Variants in PTPRJ observed in about 807,000 individuals in gnomAD.
PTPRJ encodes receptor-type tyrosine-protein phosphatase eta.
PTPRJ carries 129 observed loss-of-function variants against 141.3 expected under a neutral mutation model. The ratio of observed to expected loss-of-function variants is 0.91; its 90% CI spans 0.79 to 1.06. PTPRJ has a LOEUF of 1.06. PTPRJ is among the 50% of genes least tolerant of loss of function. The probability of loss-of-function intolerance (pLI) is 0.00; values close to 1 mark genes in which losing one functional copy is unlikely to be tolerated. For synonymous variants in PTPRJ, 610 were observed against 640.5 expected (o/e 0.95, Z 0.72); for missense variants, 1,601 against 1,679.7 (o/e 0.95, Z 0.82).
intron 1 of PTPRJ, among the ~76,000 whole-genome samples, chr11:48,022,441 G>C (rs1853675716): frequency 6.6e-6 from 1 of 151,410 alleles, no homozygotes; most frequent in East Asian, 1.9e-4. Flanking sequence ...TCCAGCCTGA[G>C]TAACACGAGC....
intron 1 of PTPRJ, among the ~76,000 whole-genome samples, chr11:48,092,500 G>A (rs1855898069): frequency 6.6e-6 from 1 of 151,546 alleles, no homozygotes; most frequent in South Asian, 2.1e-4. Flanking sequence ...CGAGATCTTG[G>A]CTCACTGCAA....
intron 1 of PTPRJ, among the ~76,000 whole-genome samples, chr11:48,088,333 G>C (rs1355517420): frequency 6.6e-6 from 1 of 152,182 alleles, no homozygotes; most frequent in Non-Finnish European, 1.5e-5. Context: ...CATCCTGGCA[G>C]ATATCAAGAC....
At chr11:48,021,416 T>TAAATA (rs747260239) in intron 1 of PTPRJ, among the ~76,000 whole-genome samples, 9 of 104,362 alleles carry the variant, frequency 8.6e-5, no homozygotes, top group South Asian at 2.7e-4. Flanking sequence ...AATAAATAAA[T>TAAATA]AAATAAAATA....
intron 1 of PTPRJ, among the ~76,000 whole-genome samples, chr11:48,053,246 A>T (rs1157619434): frequency 1.2e-5 from 1 of 84,978 alleles, no homozygotes; most frequent in African/African-American, 5.7e-5. Context: ...TAATATATTT[A>T]TATAATATAT....
intron 1 of PTPRJ, among the ~76,000 whole-genome samples, chr11:48,049,859 C>CTG (rs1340855263): frequency 3.3e-5 from 5 of 152,168 alleles, no homozygotes; most frequent in African/African-American, 9.7e-5. Context: ...TTAAATTACA[C>CTG]TGCAGGCCTT....
chr11:48,088,089 TC>T (rs1351005033), intron 1 of PTPRJ, among the ~76,000 whole-genome samples: 1 of 152,166 alleles, frequency 6.6e-6, no homozygotes, highest in African/African-American at 2.4e-5. Flanking sequence ...CTGTCTCCAG[TC>T]CCAGCACAGG....
At chr11:47,989,180 G>T (rs549366990) in intron 1 of PTPRJ, among the ~76,000 whole-genome samples, 3 of 151,788 alleles carry the variant, frequency 2.0e-5, no homozygotes, top group South Asian at 2.1e-4. Flanking sequence ...ACCGCGCCTG[G>T]CCGTATCTTG....
intron 1 of PTPRJ, among the ~76,000 whole-genome samples, chr11:48,025,825 C>G (rs190590700): frequency 2.0e-5 from 3 of 152,242 alleles, no homozygotes; most frequent in Non-Finnish European, 4.4e-5. Flanking sequence ...GTTCCCTCCC[C>G]CTGAATCCCT....
At position 48,146,954 on chromosome 11, in the gene PTPRJ, G is replaced by A. The variant is rs1227622769; in HGVS notation, c.2990G>A (p.Arg997Lys). Reference protein sequence around the residue: ...IVTVGGFIFWRKKRKDAKNNE... With the variant: ...IVTVGGFIFWKKKRKDAKNNE... Reference sequence around the variant, plus strand: ...ACTGTGGGAGGCTTCATCTTCTGGAGAAAGAAGAGGTGATATTGCTTATGC... The same window carrying A: ...ACTGTGGGAGGCTTCATCTTCTGGAAAAAGAAGAGGTGATATTGCTTATGC... The change falls in exon 15 of 25, where the codon AGA becomes AAA. Residue 997 changes from arginine to lysine, a missense_variant. Coordinates refer to ENST00000418331, the MANE Select transcript of PTPRJ (RefSeq NM_002843.4). 1 of 1,613,208 alleles carries A rather than the reference G, an allele frequency of 6.2e-7. No individual in the cohort carries two copies. Among genetic ancestry groups the A allele is most frequent in the East Asian group, 2.2e-5 (1 of 44,894 alleles).
At chr11:48,115,397 T>C (rs531267183) in intron 3 of PTPRJ, among the ~76,000 whole-genome samples, 3 of 152,266 alleles carry the variant, frequency 2.0e-5, no homozygotes, top group African/African-American at 7.2e-5. Context: ...TGGGATGATA[T>C]ATTCACCATG....
At chr11:48,002,172 C>T (rs1221286877) in intron 1 of PTPRJ, among the ~76,000 whole-genome samples, 2 of 142,200 alleles carry the variant, frequency 1.4e-5, no homozygotes, top group African/African-American at 5.4e-5. Flanking sequence ...GAGTCTCGCT[C>T]TGTCACCCAG....
chr11:48,146,860 T>G lies in PTPRJ; in HGVS notation c.2912-16T>G. 1 of 1,611,504 alleles carries G rather than the reference T, an allele frequency of 6.2e-7. No individual in the cohort carries two copies. The highest frequency in any genetic ancestry group is 1.1e-5 in the South Asian group (1 of 91,004). On this transcript the variant is annotated splice_polypyrimidine_tract_variant and intron_variant, in intron 14 of 24. Coordinates refer to ENST00000418331, the MANE Select transcript of PTPRJ (RefSeq NM_002843.4). ...TGAACACCTCTTGAAGTGTCTCCCA[T>G]TTGGACTTTTCTCAGGTGTCATCTG...
At chr11:48,042,195 A>T (rs972392252) in intron 1 of PTPRJ, among the ~76,000 whole-genome samples, 3 of 152,072 alleles carry the variant, frequency 2.0e-5, no homozygotes, top group Admixed American at 2.0e-4. Context: ...AGCAATGAGG[A>T]GTTATGTTAT....
chr11:48,047,753 T>G (rs1434156129), intron 1 of PTPRJ, among the ~76,000 whole-genome samples: 1 of 152,134 alleles, frequency 6.6e-6, no homozygotes, highest in Non-Finnish European at 1.5e-5. Flanking sequence ...GCTCAAAGTT[T>G]TAGAAAACAT....
chr11:48,091,401 C>T (rs1855863346), intron 1 of PTPRJ, among the ~76,000 whole-genome samples: 1 of 152,032 alleles, frequency 6.6e-6, no homozygotes, highest in Non-Finnish European at 1.5e-5. Context: ...TTGTTATTTC[C>T]CTGTTAGGCG....
At chr11:48,070,121 G>A (rs986635983) in intron 1 of PTPRJ, among the ~76,000 whole-genome samples, 1 of 152,118 alleles carries the variant, frequency 6.6e-6, no homozygotes, top group African/African-American at 2.4e-5. Flanking sequence ...TCTTTGGTTG[G>A]GCATCCAATA....
intron 18 of PTPRJ, among the ~76,000 whole-genome samples, chr11:48,151,610 A>G (rs1590561974): frequency 1.2e-4 from 10 of 83,258 alleles, no homozygotes; most frequent in East Asian, 4.2e-4. Flanking sequence ...CCCCCACCCC[A>G]TGACAGGCCC....
At chr11:47,989,176 C>T (rs937236534) in intron 1 of PTPRJ, among the ~76,000 whole-genome samples, 1 of 151,622 alleles carries the variant, frequency 6.6e-6, no homozygotes, top group Non-Finnish European at 1.5e-5. Flanking sequence ...AGCCACCGCG[C>T]CTGGCCGTAT....
intron 1 of PTPRJ, among the ~76,000 whole-genome samples, chr11:48,023,301 G>C (rs1853707563): frequency 6.6e-6 from 1 of 152,116 alleles, no homozygotes; most frequent in African/African-American, 2.4e-5. Flanking sequence ...TCCTCCTCTT[G>C]TCTTGTTTTT....
Sources: gnomAD v4.1 joint callset for allele counts (sites outside exome capture counted in the v4.1 genomes callset) on GRCh38, gnomAD v4.1.1 for gene constraint, MANE v1.5 for transcripts, NCBI Gene and HGNC (gene_info 2026-07-23, HGNC 2026-07-21) for gene names.